ARHGAP35: variants seen among roughly 807,000 people sequenced by gnomAD.
The protein encoded by ARHGAP35 is Rho GTPase activating protein 35.
ARHGAP35 carries 15 observed loss-of-function variants against 111.1 expected under a neutral mutation model. That is an observed-to-expected ratio of 0.13 (90% CI 0.09 to 0.21). The LOEUF (loss-of-function observed/expected upper bound fraction) is 0.21, where lower values mean the gene tolerates loss of function less well. Among genes scored for constraint, ARHGAP35 ranks in the 10% least tolerant of loss-of-function variants. The pLI, the probability that ARHGAP35 is intolerant of heterozygous loss-of-function variation, is 1.00. For synonymous variants in ARHGAP35, 643 were observed against 710.3 expected, an observed-to-expected ratio of 0.91 and a Z score of 1.51; for missense variants, 1,262 against 1,873.0, an observed-to-expected ratio of 0.67 and a Z score of 6.02.
At chr19:46,934,789 C>T (rs1229469582) in intron 2 of ARHGAP35, among the ~76,000 whole-genome samples, 1 of 152,202 alleles carries the variant, frequency 6.6e-6, no homozygotes, top group African/African-American at 2.4e-5. Flanking sequence ...CCCACCTCAG[C>T]TTCCCAGGTA....
intron 3 of ARHGAP35, among the ~76,000 whole-genome samples, chr19:46,938,925 G>T (rs1254004896): frequency 3.3e-5 from 5 of 152,278 alleles, no homozygotes; most frequent in South Asian, 2.1e-4. Flanking sequence ...AAAGTGCTGG[G>T]ATTACAGGCA....
At position 46,945,764 on chromosome 19, in the gene ARHGAP35, C is replaced by A. The variant is rs996865100; in HGVS notation, c.3826+8356C>A. On this transcript the variant is annotated intron_variant, in intron 3 of 6. Transcript: ENST00000672722. The surrounding 1 kb of genome is among the most constrained non-coding windows in gnomAD (Gnocchi z 4.1). ...ATTTAACTAGAAATAGCATTCTCTA[C>A]GCATGCTTTCTTTGAATAATATGTG... Among the ~76,000 whole-genome samples, 1 of 152,164 alleles carries A rather than the reference C, an allele frequency of 6.6e-6. No homozygotes were observed. The highest frequency in any genetic ancestry group is 1.5e-5 in the Non-Finnish European group (1 of 68,046).
Position 46,921,209 on chromosome 19 carries a change from G to T in ARHGAP35, c.2534G>T (p.Ser845Ile). 6.2e-7 allele frequency: 1 copy of T among 1,613,996 alleles called. No individual in the cohort carries two copies. Among genetic ancestry groups the T allele is most frequent in the Non-Finnish European group, 8.5e-7 (1 of 1,179,894 alleles). Residue 845 changes from serine (S) to isoleucine (I), a missense_variant, in exon 2 of 7, where the codon AGC becomes ATC. Transcript: ENST00000672722. The surrounding 1 kb of genome is among the most constrained non-coding windows in gnomAD (Gnocchi z 4.3). The stretch of plus-strand genomic sequence containing the variant: ...GTTCTTTCATACCATTCCTCCTTTA[G>T]CATCAGAAAGAGCCGGTTGGTTCAT... ...LSVLSYHSSFSIRKSRLVHGY... is the reference protein window; with the variant it reads ...LSVLSYHSSFIIRKSRLVHGY...
At chr19:46,914,341 G>A (rs562862435) in intron 1 of ARHGAP35, among the ~76,000 whole-genome samples, 5 of 152,050 alleles carry the variant, frequency 3.3e-5, no homozygotes, top group Non-Finnish European at 5.9e-5. Context: ...ACAGTGGCTC[G>A]TGCCTATGAT....
At position 47,001,385 on chromosome 19, in the gene ARHGAP35, T is replaced by C; in HGVS notation, c.*697T>C. 7.8e-7 allele frequency: 1 copy of C among 1,289,244 alleles called. No homozygotes were observed. The highest frequency in any genetic ancestry group is 1.2e-5 in the South Asian group (1 of 81,000). The allele number at this position is 1,289,244 out of a possible 1,614,324, so 79.9% of individuals were successfully genotyped here. A position where few individuals can be genotyped will look rare whatever the true frequency, so the allele number is the denominator to read the frequency against. ...AACAAAGGAACACTAGGAGAAAAAA[T>C]GGAAAAACCCTTCCAGTAATTAAAA... On this transcript the variant is annotated 3_prime_UTR_variant, in exon 7 of 7. Coordinates refer to ENST00000672722, the MANE Select transcript of ARHGAP35 (RefSeq NM_004491.5). The surrounding 1 kb of genome is among the most constrained non-coding windows in gnomAD (Gnocchi z 5.4).
chr19:46,873,371 C>T (rs2055898020), intron 1 of ARHGAP35, among the ~76,000 whole-genome samples: 1 of 152,070 alleles, frequency 6.6e-6, no homozygotes, highest in Non-Finnish European at 1.5e-5. Flanking sequence ...GTGGCTCACA[C>T]TTGTAATCCT....
At chr19:46,946,194 C>T (rs1261725349) in intron 3 of ARHGAP35, among the ~76,000 whole-genome samples, 1 of 152,224 alleles carries the variant, frequency 6.6e-6, no homozygotes, top group African/African-American at 2.4e-5. Context: ...GTTTCTTGAG[C>T]GTTGATATGG....
chr19:46,895,313 A>G (rs903830192), intron 1 of ARHGAP35, among the ~76,000 whole-genome samples: 1 of 151,880 alleles, frequency 6.6e-6, no homozygotes, highest in Non-Finnish European at 1.5e-5. Context: ...ACAGGCGCTC[A>G]CCACCACGCC....
At chr19:46,973,559 G>A (rs1006407342) in intron 3 of ARHGAP35, among the ~76,000 whole-genome samples, 5 of 150,932 alleles carry the variant, frequency 3.3e-5, no homozygotes, top group East Asian at 2.0e-4. Flanking sequence ...GTGTGGTGGC[G>A]GGGCGCCTGT....
chr19:46,973,784 G>C (rs182341239), intron 3 of ARHGAP35, among the ~76,000 whole-genome samples: 1 of 151,766 alleles, frequency 6.6e-6, no homozygotes, highest in Non-Finnish European at 1.5e-5. Context: ...TCAGGAGTTC[G>C]AGACCAGCCT....
chr19:46,947,885 T>C (rs1200459431), intron 3 of ARHGAP35: 2 of 152,210 alleles, frequency 1.3e-5, no homozygotes, highest in Non-Finnish European at 2.9e-5. Flanking sequence ...TATTTACTGG[T>C]TTATTATAAA....
Position 46,988,338 on chromosome 19 carries a change from G to A in ARHGAP35, c.3904+272G>A. ...CACAGATGCTCTTCCAGGTTGCCCG[G>A]GCACATGCCTCCCTCACCACACTGA... On this transcript the variant is annotated intron_variant, in intron 4 of 6. Coordinates refer to ENST00000672722, the MANE Select transcript of ARHGAP35 (RefSeq NM_004491.5). The surrounding 1 kb of genome is among the most constrained non-coding windows in gnomAD (Gnocchi z 5.4). The A allele has an allele frequency of 2.3e-6, 1 of 438,710 alleles. No individual in the cohort carries two copies. Among genetic ancestry groups the A allele is most frequent in the Non-Finnish European group, 4.3e-6 (1 of 235,158 alleles). The allele number at this position is 438,710 out of a possible 1,614,324, so 27.2% of individuals were successfully genotyped here.
chr19:46,941,555 C>T (rs372578229), intron 3 of ARHGAP35, among the ~76,000 whole-genome samples: 14 of 149,266 alleles, frequency 9.4e-5, no homozygotes, highest in East Asian at 2.1e-4. Flanking sequence ...GGCAACAGAG[C>T]GAGACCCTGT....
chr19:46,976,759 C>T (rs1158090106), intron 3 of ARHGAP35, among the ~76,000 whole-genome samples: 1 of 152,240 alleles, frequency 6.6e-6, no homozygotes, highest in Non-Finnish European at 1.5e-5. Flanking sequence ...AGTACCCACT[C>T]TCGGCTGCAG....
intron 3 of ARHGAP35, among the ~76,000 whole-genome samples, chr19:46,979,709 A>G (rs1161568604): frequency 6.6e-6 from 1 of 152,174 alleles, no homozygotes; most frequent in Non-Finnish European, 1.5e-5. Flanking sequence ...CATCGCTGGC[A>G]TCGGGAATGT....
Position 47,001,591 on chromosome 19 carries a change from C to G in ARHGAP35, c.*903C>G, listed in dbSNP as rs1599877831. The G allele has an allele frequency of 2.6e-6, 1 of 381,852 alleles. No homozygotes were observed. The highest frequency in any genetic ancestry group is 2.1e-5 in the African/African-American group (1 of 47,334). 23.7% of individuals were successfully genotyped at this position (381,852 alleles called of 1,614,324 possible). ...TCCCACTCACCCACTTAGGTCTAGT[C>G]GCTAGATCCCCCGTTTTCCCAAGAA... On this transcript the variant is annotated 3_prime_UTR_variant, in exon 7 of 7. Coordinates refer to ENST00000672722, the MANE Select transcript of ARHGAP35 (RefSeq NM_004491.5). The surrounding 1 kb of genome is among the most constrained non-coding windows in gnomAD (Gnocchi z 5.4).
chr19:46,939,473 G>A (rs761598884), intron 3 of ARHGAP35, among the ~76,000 whole-genome samples: 3 of 151,562 alleles, frequency 2.0e-5, no homozygotes, highest in African/African-American at 7.3e-5. Flanking sequence ...GCAGTGGCAC[G>A]ATCTAGACTC....
Position 47,000,679 on chromosome 19 carries a change from C to G in ARHGAP35, c.4491C>G (p.His1497Gln). Residue 1497 changes from histidine (H) to glutamine (Q), a missense_variant, in exon 7 of 7, where the codon CAC (histidine) becomes CAG (glutamine). Physicochemically the swap from His to Gln is conservative, Grantham distance 24 (BLOSUM62 0). Around this residue, in one of 8 missense-constraint regions of ARHGAP35, gnomAD observed 75 missense variants for 87.0 expected, o/e 0.86. Transcript: ENST00000672722. The surrounding 1 kb of genome is among the most constrained non-coding windows in gnomAD (Gnocchi z 6.9). ...PLLPSQLQAEHTL is the reference protein window; with the variant it reads ...PLLPSQLQAEQTL ...TTCCCTCCCAGCTTCAAGCCGAACACACGCTGTGAGCCACCAAGACCTGGG... is the reference window on the plus strand; with the variant it reads ...TTCCCTCCCAGCTTCAAGCCGAACAGACGCTGTGAGCCACCAAGACCTGGG... 2 of 1,582,194 alleles carry G rather than the reference C, an allele frequency of 1.3e-6. No individual in the cohort carries two copies. Among genetic ancestry groups the G allele is most frequent in the Middle Eastern group, 3.4e-4 (2 of 5,922 alleles).
rs1204939124 is a variant in ARHGAP35, at chr19:46,908,485, G to A, written c.-188-10003G>A. 6.8e-6 allele frequency among the ~76,000 whole-genome samples: 1 copy of A among 146,284 alleles called. No homozygotes were observed. Among genetic ancestry groups the A allele is most frequent in the Non-Finnish European group, 1.5e-5 (1 of 67,970 alleles). On this transcript the variant is annotated intron_variant, in intron 1 of 6. Transcript: ENST00000672722. The surrounding 1 kb of genome is among the most constrained non-coding windows in gnomAD (Gnocchi z 4.2). Reference sequence around the variant, plus strand: ...ACAGCTTATCAGAATCTTGGTTTTTGTTGTTGTTTTTCTTAATATAGGTAA... The same window carrying A: ...ACAGCTTATCAGAATCTTGGTTTTTATTGTTGTTTTTCTTAATATAGGTAA...
Sources: gnomAD v4.1 joint callset for allele counts (sites outside exome capture counted in the v4.1 genomes callset) on GRCh38, gnomAD v4.1.1 for gene constraint, gnomAD v4.1.1 regional missense constraint, Gnocchi (gnomAD v3.1) non-coding constraint, MANE v1.5 for transcripts, NCBI Gene and HGNC (gene_info 2026-07-23, HGNC 2026-07-21) for gene names.